CSMD1: variants seen among roughly 807,000 people sequenced by gnomAD.
CSMD1 encodes the protein CUB and sushi domain-containing protein 1.
In CSMD1, 213 loss-of-function variants were observed where a neutral mutation model predicts 417.5. The observed-to-expected ratio is 0.51, with a 90% CI of 0.46 to 0.57. The LOEUF (loss-of-function observed/expected upper bound fraction) is 0.57, where lower values mean the gene tolerates loss of function less well. Ranked by LOEUF, CSMD1 falls within the 20% of genes least tolerant of loss-of-function variation. CSMD1 has a pLI of 0.00. For synonymous variants in CSMD1, 2,862 were observed against 1,736.8 expected (o/e 1.65, Z -16.11); for missense variants, 6,923 against 4,529.7 (o/e 1.53, Z -15.17).
At chr8:4,723,062 C>G (rs2116918572) in intron 1 of CSMD1, among the ~76,000 whole-genome samples, 1 of 152,184 alleles carries the variant, frequency 6.6e-6, no homozygotes, top group East Asian at 1.9e-4. Flanking sequence ...GATCTCCTTT[C>G]AAAAGTGAAT....
At chr8:3,952,828 G>A (rs374593711) in intron 5 of CSMD1, among the ~76,000 whole-genome samples, 1 of 152,100 alleles carries the variant, frequency 6.6e-6, no homozygotes, top group Non-Finnish European at 1.5e-5. Context: ...AGAAATAAAA[G>A]CAGAAAGTTA....
chr8:4,771,930 A>G (rs940147753), intron 1 of CSMD1, among the ~76,000 whole-genome samples: 2 of 152,184 alleles, frequency 1.3e-5, no homozygotes, highest in African/African-American at 4.8e-5. Flanking sequence ...ACTCTAGCCC[A>G]TCCCGGGGAT....
intron 3 of CSMD1, among the ~76,000 whole-genome samples, chr8:4,359,208 G>C (rs1158371260): frequency 6.6e-6 from 1 of 152,148 alleles, no homozygotes; most frequent in Non-Finnish European, 1.5e-5. Flanking sequence ...AGCATGAGTT[G>C]CATTATCTGT....
intron 23 of CSMD1, among the ~76,000 whole-genome samples, chr8:3,340,250 A>T (rs572513372): frequency 1.3e-5 from 2 of 152,206 alleles, no homozygotes; most frequent in Admixed American, 1.3e-4. Context: ...TTTAATTCAT[A>T]AAGAAGAGTA....
At chr8:4,465,021 G>C (rs1007828291) in intron 2 of CSMD1, among the ~76,000 whole-genome samples, 1 of 151,974 alleles carries the variant, frequency 6.6e-6, no homozygotes, top group African/African-American at 2.4e-5. Context: ...GGGAAAGGAA[G>C]AAAATAGGAA....
chr8:3,146,445 A>G (rs758122632), intron 40 of CSMD1, among the ~76,000 whole-genome samples: 4 of 152,170 alleles, frequency 2.6e-5, no homozygotes, highest in Non-Finnish European at 5.9e-5. Flanking sequence ...ATGCATTTAC[A>G]ATACTTCAAA....
intron 10 of CSMD1, among the ~76,000 whole-genome samples, chr8:3,562,624 G>T (rs1392308988): frequency 6.6e-6 from 1 of 151,956 alleles, no homozygotes; most frequent in Non-Finnish European, 1.5e-5. Context: ...AAATTTTTCT[G>T]AAGGCAAATA....
At chr8:4,802,555 A>T (rs947627896) in intron 1 of CSMD1, among the ~76,000 whole-genome samples, 3 of 152,212 alleles carry the variant, frequency 2.0e-5, no homozygotes, top group Admixed American at 2.0e-4. Flanking sequence ...TATAATTTCA[A>T]ACTATAGTTT....
intron 5 of CSMD1, among the ~76,000 whole-genome samples, chr8:3,836,820 T>C (rs902623274): frequency 2.0e-5 from 3 of 152,192 alleles, no homozygotes; most frequent in Non-Finnish European, 4.4e-5. Context: ...TAAATAATTT[T>C]ATAACTCAAT....
chr8:4,956,014 C>G (rs1809085213), intron 1 of CSMD1, among the ~76,000 whole-genome samples: 1 of 152,222 alleles, frequency 6.6e-6, no homozygotes, highest in Non-Finnish European at 1.5e-5. Flanking sequence ...CAACTACTCT[C>G]AGACTGCTCC....
chr8:4,973,860 G>A (rs1375868736), intron 1 of CSMD1, among the ~76,000 whole-genome samples: 2 of 152,056 alleles, frequency 1.3e-5, no homozygotes, highest in African/African-American at 2.4e-5. Flanking sequence ...TCAAATCAAC[G>A]TGACAAATCC....
intron 23 of CSMD1, among the ~76,000 whole-genome samples, chr8:3,317,768 A>C (rs1227385244): frequency 6.6e-6 from 1 of 152,206 alleles, no homozygotes; most frequent in Non-Finnish European, 1.5e-5. Flanking sequence ...TTTTGTGTTT[A>C]GTAAAATTTC....
chr8:3,334,823 G>C lies in CSMD1; in HGVS notation c.3631+8471C>G, dbSNP rs147901767. ...CTCTAATGTTCTTTAAACTGAGTAT[G>C]ACCAGGCAGTCTGCAGATCCACACT... On this transcript the variant is annotated intron_variant, in intron 23 of 69. Transcript: ENST00000635120. 7.2e-4 allele frequency among the ~76,000 whole-genome samples: 110 copies of C among 152,166 alleles called. 1 individual carries two copies. The highest frequency in any genetic ancestry group is 2.6e-3 in the African/African-American group (107 of 41,510).
chr8:3,550,530 C>G (rs1447822572), intron 10 of CSMD1, among the ~76,000 whole-genome samples: 1 of 152,188 alleles, frequency 6.6e-6, no homozygotes, highest in Non-Finnish European at 1.5e-5. Flanking sequence ...TAGTGATTCA[C>G]TCAGGGTGAT....
intron 1 of CSMD1, among the ~76,000 whole-genome samples, chr8:4,805,012 G>C (rs2117302962): frequency 6.6e-6 from 1 of 152,266 alleles, no homozygotes; most frequent in East Asian, 1.9e-4. Context: ...AAATCTAGTA[G>C]AAGGTAGAAT....
intron 2 of CSMD1, among the ~76,000 whole-genome samples, chr8:4,564,658 G>C (rs975457046): frequency 9.2e-5 from 14 of 152,200 alleles, no homozygotes; most frequent in Non-Finnish European, 1.8e-4. Context: ...TGAGGAAGCA[G>C]ATAATTCTAA....
intron 5 of CSMD1, among the ~76,000 whole-genome samples, chr8:3,799,612 AG>A (rs1350631020): frequency 1.7e-4 from 26 of 152,114 alleles, no homozygotes; most frequent in Non-Finnish European, 1.5e-4. Flanking sequence ...CAGTAAAGAA[AG>A]ACCCCATTTG....
intron 7 of CSMD1, among the ~76,000 whole-genome samples, chr8:3,622,974 A>G (rs1796328373): frequency 6.6e-6 from 1 of 152,194 alleles, no homozygotes; most frequent in Non-Finnish European, 1.5e-5. Context: ...ATCTTTTCAG[A>G]TCTCATAGAA....
intron 5 of CSMD1, among the ~76,000 whole-genome samples, chr8:3,754,987 T>C (rs1176743454): frequency 6.6e-6 from 1 of 152,212 alleles, no homozygotes; most frequent in Non-Finnish European, 1.5e-5. Context: ...AAAAATAAGA[T>C]GCAATCAATT....
Sources: gnomAD v4.1 joint callset for allele counts (sites outside exome capture counted in the v4.1 genomes callset) on GRCh38, gnomAD v4.1.1 for gene constraint, MANE v1.5 for transcripts, NCBI Gene and HGNC (gene_info 2026-07-23, HGNC 2026-07-21) for gene names.